Variants in ATG3 observed in about 807,000 individuals in gnomAD.
The protein encoded by ATG3 is ubiquitin-like-conjugating enzyme ATG3.
ATG3 carries 25 observed loss-of-function variants against 50.7 expected under a neutral mutation model. The ratio of observed to expected loss-of-function variants is 0.49; its 90% CI spans 0.36 to 0.69. The LOEUF is 0.69. ATG3 is among the 30% of genes least tolerant of loss of function. The pLI, the probability that ATG3 is intolerant of heterozygous loss-of-function variation, is 0.00. For synonymous variants in ATG3, 119 were observed against 125.5 expected, an observed-to-expected ratio of 0.95 and a Z score of 0.34; for missense variants, 281 against 376.0, an observed-to-expected ratio of 0.75 and a Z score of 2.09.
intron 11 of ATG3, chr3:112,533,991 T>C (rs1368960643): frequency 8.5e-7 from 1 of 1,174,502 alleles, no homozygotes; most frequent in Admixed American, 4.4e-5. Context: ...GAAATGTACA[T>C]AAGAAAAAGA....
chr3:112,538,673 A>G (rs1041020823), intron 7 of ATG3, among the ~76,000 whole-genome samples: 3 of 152,218 alleles, frequency 2.0e-5, no homozygotes, highest in Admixed American at 6.6e-5. Context: ...TACTTTAAAA[A>G]GAACCATAAA....
In ATG3 at chr3:112,561,817, C is replaced by A. The variant is rs1933901586; in HGVS notation, c.-289G>T. The A allele has an allele frequency of 4.7e-6, 2 of 427,988 alleles. No homozygotes were observed. Among genetic ancestry groups the A allele is most frequent in the Non-Finnish European group, 8.3e-6 (2 of 239,604 alleles). 26.5% of individuals were successfully genotyped at this position (427,988 alleles called of 1,614,324 possible). On this transcript the variant is annotated 5_prime_UTR_variant, in exon 1 of 12. Coordinates refer to ENST00000283290, the MANE Select transcript of ATG3 (RefSeq NM_022488.5). ...GGAGGGCAGCGGGGCCGAAGGGAGA[C>A]CTGAGGTGAGAAGCGGACGCACACG...
chr3:112,555,365 C>T (rs1369604415), intron 2 of ATG3, among the ~76,000 whole-genome samples: 3 of 152,168 alleles, frequency 2.0e-5, no homozygotes, highest in Admixed American at 6.5e-5. Flanking sequence ...CTCTTAGAGA[C>T]TAAAAATGTT....
intron 2 of ATG3, among the ~76,000 whole-genome samples, chr3:112,554,089 C>T (rs1345323478): frequency 6.6e-6 from 1 of 152,202 alleles, no homozygotes; most frequent in Non-Finnish European, 1.5e-5. Flanking sequence ...TCAGTTTACA[C>T]GAACATGAGC....
chr3:112,556,486 G>A (rs1933686378), intron 2 of ATG3, among the ~76,000 whole-genome samples: 1 of 152,186 alleles, frequency 6.6e-6, no homozygotes, highest in Non-Finnish European at 1.5e-5. Context: ...TGGGAAGTGA[G>A]GAGCCCCTCT....
At chr3:112,539,063 T>G (rs546069771) in intron 7 of ATG3, among the ~76,000 whole-genome samples, 30 of 152,256 alleles carry the variant, frequency 2.0e-4, no homozygotes, top group African/African-American at 6.7e-4. Context: ...CTCAAAGTAT[T>G]CCAGCATTCT....
At chr3:112,541,925 A>G (rs1372718260) in intron 6 of ATG3, 41 bp from the exon 7 acceptor site, 1 of 1,510,460 alleles carries the variant, frequency 6.6e-7, no homozygotes, top group East Asian at 2.3e-5. Context: ...AAGTATATAC[A>G]TTAATTTGAA....
chr3:112,549,933 T>C (rs1309918984), intron 4 of ATG3, among the ~76,000 whole-genome samples: 1 of 152,018 alleles, frequency 6.6e-6, no homozygotes, highest in African/African-American at 2.4e-5. Flanking sequence ...CCATGCAAAA[T>C]TTCAGTCTAA....
intron 11 of ATG3, chr3:112,533,009 AGTAGGT>A (rs2082567119): frequency 8.5e-7 from 1 of 1,175,260 alleles, no homozygotes; most frequent in African/African-American, 1.6e-5. Flanking sequence ...CTTCTTAATG[AGTAGGT>A]GTTCATATAA....
At chr3:112,538,728 T>C (rs1933144410) in intron 7 of ATG3, among the ~76,000 whole-genome samples, 1 of 152,190 alleles carries the variant, frequency 6.6e-6, no homozygotes, top group Non-Finnish European at 1.5e-5. Context: ...GGACCTTGTC[T>C]CTCCTCTAAC....
chr3:112,557,486 C>T (rs1005681507), intron 2 of ATG3, among the ~76,000 whole-genome samples: 7 of 152,280 alleles, frequency 4.6e-5, no homozygotes, highest in South Asian at 2.1e-4. Flanking sequence ...GGCGTGGTGG[C>T]GCTCACCTGT....
intron 2 of ATG3, among the ~76,000 whole-genome samples, chr3:112,557,630 TA>T: frequency 6.6e-6 from 1 of 152,016 alleles, no homozygotes; most frequent in South Asian, 2.1e-4. Flanking sequence ...AAAAAAAAAT[TA>T]AAAAAACCAC....
chr3:112,552,703 G>A (rs1933561334), intron 3 of ATG3, among the ~76,000 whole-genome samples: 1 of 148,894 alleles, frequency 6.7e-6, no homozygotes, highest in Admixed American at 6.7e-5. Flanking sequence ...AGGCTGGAGT[G>A]CAGTGGCATC....
chr3:112,547,260 A>C (rs1933394218), intron 5 of ATG3, among the ~76,000 whole-genome samples: 1 of 152,222 alleles, frequency 6.6e-6, no homozygotes, highest in Non-Finnish European at 1.5e-5. Context: ...CATTCCAAAA[A>C]ACAGTGCCAA....
At chr3:112,552,095 T>A (rs1362075287) in intron 3 of ATG3, among the ~76,000 whole-genome samples, 2 of 152,150 alleles carry the variant, frequency 1.3e-5, no homozygotes, top group African/African-American at 4.8e-5. Context: ...ATTGGAAACT[T>A]ATTAATTATA....
At position 112,561,441 on chromosome 3, in the gene ATG3, C is replaced by A; in HGVS notation, c.72+16G>T. On this transcript the variant is annotated intron_variant, in intron 1 of 11. Coordinates refer to ENST00000283290, the MANE Select transcript of ATG3 (RefSeq NM_022488.5). ...GCATGTGCCTGACAGCTCCCGGCAA[C>A]CCTGGCCTGGCTTACCTTGAGGACC... is the stretch of plus-strand genomic sequence containing the variant. 6.2e-7 allele frequency: 1 copy of A among 1,613,146 alleles called. No individual in the cohort carries two copies. The highest frequency in any genetic ancestry group is 1.1e-5 in the South Asian group (1 of 91,048).
At chr3:112,547,241 A>G (rs1382636215) in intron 5 of ATG3, among the ~76,000 whole-genome samples, 1 of 152,260 alleles carries the variant, frequency 6.6e-6, no homozygotes, top group Non-Finnish European at 1.5e-5. Flanking sequence ...TGCACAGAAA[A>G]TAATTATCCA....
rs375153350 is a variant in ATG3 at position 112,550,569 on chromosome 3, CAAT to C, written c.165-310_165-308del. On this transcript the variant is annotated intron_variant, in intron 3 of 11. Coordinates refer to ENST00000283290, the MANE Select transcript of ATG3 (RefSeq NM_022488.5). ...AACTATTATGTTTGCCTCTAAACAACAATAAAATATGCTGCTCCTCAGTGAGTT... is the reference window on the plus strand; with the variant it reads ...AACTATTATGTTTGCCTCTAAACAACAAAATATGCTGCTCCTCAGTGAGTT... Among the ~76,000 whole-genome samples the C allele has an allele frequency of 4.6e-4, 70 of 152,250 alleles. 1 individual carries two copies. The highest frequency in any genetic ancestry group is 2.5e-3 in the South Asian group (12 of 4,826).
Position 112,541,853 on chromosome 3 carries a change from A to G in ATG3, c.425T>C (p.Leu142Pro). ...DNIRLQDCSALCEEEEDEDEG... is the reference protein window; with the variant it reads ...DNIRLQDCSAPCEEEEDEDEG... ...ATCTTCATCTTCTTCCTCTTCACAT[A>G]GTGCTGAGCAATCTTGAAGCCTTAT... Residue 142 changes from leucine to proline, a missense_variant, in exon 7 of 12, where the codon CTA (leucine) becomes CCA (proline). Physicochemically the swap from Leu to Pro is moderately conservative, Grantham distance 98 (BLOSUM62 -3). Transcript: ENST00000283290. 6.2e-7 allele frequency: 1 copy of G among 1,612,432 alleles called. No homozygotes were observed. Among genetic ancestry groups the G allele is most frequent in the Non-Finnish European group, 8.5e-7 (1 of 1,179,604 alleles).
Sources: allele counts gnomAD v4.1 joint callset (sites outside exome capture counted in the v4.1 genomes callset), GRCh38; gene constraint gnomAD v4.1.1; transcripts MANE v1.5; gene names NCBI Gene and HGNC (gene_info 2026-07-23, HGNC 2026-07-21).